Variants in NR6A1 observed in about 807,000 individuals in gnomAD.
NR6A1 encodes the protein retinoic acid receptor-related testis-associated receptor.
A neutral mutation model predicts 59.1 loss-of-function variants in NR6A1; 7 were observed. That is an observed-to-expected ratio of 0.12 (90% CI 0.07 to 0.22). NR6A1 has a LOEUF of 0.22. NR6A1 is among the 10% of genes least tolerant of loss of function. NR6A1 has a pLI of 1.00. For synonymous variants in NR6A1, 243 were observed against 236.1 expected (o/e 1.03, Z -0.27); for missense variants, 468 against 611.6 (o/e 0.77, Z 2.48).
At chr9:124,695,666 G>A (rs1019410319) in intron 2 of NR6A1, among the ~76,000 whole-genome samples, 8 of 152,118 alleles carry the variant, frequency 5.3e-5, no homozygotes, top group Non-Finnish European at 1.0e-4. Flanking sequence ...CACCGCGCCC[G>A]GCCCGAGGGG....
In NR6A1 at chr9:124,519,853, G is replaced by T. The variant is rs931670483; in HGVS notation, c.*2852C>A. ...GGAGGCGGAGCTTGCAGTGAGCCAA[G>T]ATCGCACCACTGCACTCCAGCCTGA... On this transcript the variant is annotated 3_prime_UTR_variant, in exon 10 of 10. Coordinates refer to ENST00000487099, the MANE Select transcript of NR6A1 (RefSeq NM_033334.4). 1.6e-5 allele frequency: 2 copies of T among 124,514 alleles called. No homozygotes were observed. Among genetic ancestry groups the T allele is most frequent in the Non-Finnish European group, 3.1e-5 (2 of 64,408 alleles). The allele number at this position is 124,514 out of a possible 1,614,324, so 7.7% of individuals were successfully genotyped here. A position where few individuals can be genotyped will look rare whatever the true frequency, so the allele number is the denominator to read the frequency against.
intron 7 of NR6A1, among the ~76,000 whole-genome samples, chr9:124,531,630 C>T (rs1191532625): frequency 6.6e-6 from 1 of 152,142 alleles, no homozygotes; most frequent in Non-Finnish European, 1.5e-5. Context: ...CTTCCTATGA[C>T]CTCCTAGGCA....
chr9:124,771,266 G>GCTCCGCGCCGCTCCGCGCCC lies in NR6A1; in HGVS notation c.-167_-148dup, dbSNP rs916970112. ...CTCTCTCTGGGCCCCGAGCCGCCCG[G>GCTCCGCGCCGCTCCGCGCCC]CTCCGCGCCGCTCCGCGCCCCTCCG... is the stretch of plus-strand genomic sequence containing the variant. On this transcript the variant is annotated 5_prime_UTR_variant, in exon 1 of 10. Coordinates refer to ENST00000487099, the MANE Select transcript of NR6A1 (RefSeq NM_033334.4). 7 of 401,092 alleles carry GCTCCGCGCCGCTCCGCGCCC rather than the reference G, an allele frequency of 1.7e-5. No homozygotes were observed. The highest frequency in any genetic ancestry group is 4.1e-5 in the African/African-American group (2 of 48,298). 24.8% of individuals were successfully genotyped at this position (401,092 alleles called of 1,614,324 possible).
rs566052950 is a variant in NR6A1, at chr9:124,757,264, G to A, written c.100+13756C>T. On this transcript the variant is annotated intron_variant, in intron 1 of 9. Transcript: ENST00000487099. The stretch of plus-strand genomic sequence containing the variant: ...TAAAAGCAAGCACAAGATGGTGTGA[G>A]AAGTACTATTATAACACTGAAAAAA... Among the ~76,000 whole-genome samples, 17 of 152,070 alleles carry A rather than the reference G, an allele frequency of 1.1e-4. No individual in the cohort carries two copies. The South Asian group carries it at 1.2e-3, about 11-fold the overall frequency.
At chr9:124,664,173 A>G (rs1837532399) in intron 2 of NR6A1, among the ~76,000 whole-genome samples, 1 of 152,262 alleles carries the variant, frequency 6.6e-6, no homozygotes. Context: ...ATAATCCAGC[A>G]GGAATGAGAA....
chr9:124,655,280 C>T (rs539811551), intron 2 of NR6A1, among the ~76,000 whole-genome samples: 1 of 152,102 alleles, frequency 6.6e-6, no homozygotes, highest in Non-Finnish European at 1.5e-5. Flanking sequence ...TTGAGTCAAG[C>T]GAGAACAAGC....
intron 2 of NR6A1, among the ~76,000 whole-genome samples, chr9:124,695,810 G>C (rs977236845): frequency 6.6e-6 from 1 of 152,076 alleles, no homozygotes; most frequent in African/African-American, 2.4e-5. Flanking sequence ...GAAAACATTA[G>C]AAAAGAATGT....
chr9:124,564,051 C>A (rs1190492848), intron 2 of NR6A1, among the ~76,000 whole-genome samples: 1 of 152,148 alleles, frequency 6.6e-6, no homozygotes, highest in East Asian at 1.9e-4. Context: ...GTACTCCAGC[C>A]TGGATGACAA....
intron 2 of NR6A1, among the ~76,000 whole-genome samples, chr9:124,601,094 G>A (rs1835433116): frequency 6.6e-6 from 1 of 151,842 alleles, no homozygotes; most frequent in African/African-American, 2.4e-5. Flanking sequence ...TGGCCAACAT[G>A]GTGAAACCCC....
chr9:124,614,152 C>A (rs1835829207), intron 2 of NR6A1, among the ~76,000 whole-genome samples: 2 of 152,160 alleles, frequency 1.3e-5, no homozygotes, highest in African/African-American at 2.4e-5. Flanking sequence ...GGAGGCAGGG[C>A]AGCTGGAGTT....
chr9:124,688,506 G>A (rs1359325126), intron 2 of NR6A1, among the ~76,000 whole-genome samples: 6 of 152,168 alleles, frequency 3.9e-5, no homozygotes, highest in Admixed American at 6.5e-5. Flanking sequence ...ATCTGCAATT[G>A]GTACAGAACT....
In NR6A1 at chr9:124,538,201, G is replaced by C. The variant is rs145792853; in HGVS notation, c.715C>G (p.Leu239Val). 1 of 1,614,118 alleles carries C rather than the reference G, an allele frequency of 6.2e-7. No homozygotes were observed. Among genetic ancestry groups the C allele is most frequent in the African/African-American group, 1.3e-5 (1 of 74,934 alleles). The change falls in exon 6 of 10, where the codon CTG (leucine) becomes GTG (valine). Residue 239 changes from leucine (L) to valine (V), a missense_variant. This residue lies in a region of NR6A1 where 151 missense variants were observed against 142.8 expected (regional missense o/e 1.06). Coordinates refer to ENST00000487099, the MANE Select transcript of NR6A1 (RefSeq NM_033334.4). The part of the protein sequence containing the change: ...LFSYSGHSPL[L>V]PQQARSLDPQ... The stretch of plus-strand genomic sequence containing the variant: ...TCCAGGCTGCGAGCTTGTTGGGGCA[G>C]AAGTGGTGAGTGGCCAGAATAGCTA...
chr9:124,660,750 G>A (rs1837409128), intron 2 of NR6A1, among the ~76,000 whole-genome samples: 1 of 151,402 alleles, frequency 6.6e-6, no homozygotes, highest in Non-Finnish European at 1.5e-5. Context: ...TATTGTTGGA[G>A]TACATAAAGT....
chr9:124,612,797 C>CTTTCTT (rs538360508), intron 2 of NR6A1, among the ~76,000 whole-genome samples: 7 of 140,322 alleles, frequency 5.0e-5, no homozygotes, highest in African/African-American at 1.8e-4. Flanking sequence ...TCTTTCTTTT[C>CTTTCTT]TTTCTTTCTT....
intron 2 of NR6A1, among the ~76,000 whole-genome samples, chr9:124,566,974 G>A (rs1016973358): frequency 6.6e-6 from 1 of 151,184 alleles, no homozygotes; most frequent in East Asian, 1.9e-4. Flanking sequence ...CGGGCGTAGT[G>A]GCGGGCGCCT....
chr9:124,555,655 C>T (rs1833901215), intron 2 of NR6A1, among the ~76,000 whole-genome samples: 1 of 152,116 alleles, frequency 6.6e-6, no homozygotes, highest in Non-Finnish European at 1.5e-5. Context: ...ATCATTATAC[C>T]ATGAATTAGA....
At chr9:124,632,693 T>C (rs925773506) in intron 2 of NR6A1, among the ~76,000 whole-genome samples, 1 of 152,248 alleles carries the variant, frequency 6.6e-6, no homozygotes, top group East Asian at 1.9e-4. Context: ...AAAAGTATCA[T>C]GCATGATCTG....
At position 124,662,982 on chromosome 9, in the gene NR6A1, A is replaced by G. The variant is rs145332897; in HGVS notation, c.142+70326T>C. Among the ~76,000 whole-genome samples the G allele has an allele frequency of 4.2e-3, 635 of 152,386 alleles. 8 individuals carry two copies. Among genetic ancestry groups the G allele is most frequent in the African/African-American group, 0.014 (600 of 41,592 alleles). On this transcript the variant is annotated intron_variant, in intron 2 of 9. Coordinates refer to ENST00000487099, the MANE Select transcript of NR6A1 (RefSeq NM_033334.4). ...AAAAAGCTATATTAGAAATACAATG[A>G]TAAGAAGCCTTATTCTCCCTTGCTG... is the stretch of plus-strand genomic sequence containing the variant.
At chr9:124,770,672 G>A (rs1841115912) in intron 1 of NR6A1, among the ~76,000 whole-genome samples, 1 of 128,846 alleles carries the variant, frequency 7.8e-6, no homozygotes, top group Non-Finnish European at 1.7e-5. Flanking sequence ...AGGGGGAGGG[G>A]ACCCGGGGGG....
Sources: allele counts gnomAD v4.1 joint callset (sites outside exome capture counted in the v4.1 genomes callset), GRCh38; gene constraint gnomAD v4.1.1; regional missense constraint gnomAD v4.1.1; transcripts MANE v1.5; gene names NCBI Gene and HGNC (gene_info 2026-07-23, HGNC 2026-07-21).